The following EFHD2 variants were observed in gnomAD, a reference collection of about 807,000 sequenced individuals.
The protein encoded by EFHD2 is EF-hand domain family member D2.
EFHD2 carries 12 observed loss-of-function variants against 20.3 expected under a neutral mutation model. The ratio of observed to expected loss-of-function variants is 0.59; its 90% CI spans 0.38 to 0.96. The LOEUF (loss-of-function observed/expected upper bound fraction) is 0.96. EFHD2 is among the 40% of genes least tolerant of loss of function. EFHD2 has a pLI of 0.00. For missense variants in EFHD2, 250 were observed against 334.3 expected (o/e 0.75, Z 1.97); for synonymous variants, 131 against 143.9 (o/e 0.91, Z 0.64).
In EFHD2 at chr1:15,426,192, G is replaced by A. The variant is rs1057362247; in HGVS notation, c.456+174G>A. On this transcript the variant is annotated intron_variant, in intron 2 of 3. Transcript: ENST00000375980. The surrounding 1 kb of genome is among the most constrained non-coding windows in gnomAD (Gnocchi z 4.6). The stretch of plus-strand genomic sequence containing the variant: ...AGGCTTCAGAGGGCCTGTTACAGCA[G>A]GCACCAGGGAGGGTTCTGAGATCCT... Among the ~76,000 whole-genome samples, 12 of 152,180 alleles carry A rather than the reference G, an allele frequency of 7.9e-5. No individual in the cohort carries two copies. Among genetic ancestry groups the A allele is most frequent in the Non-Finnish European group, 1.5e-4 (10 of 68,036 alleles).
rs1707872005 is a variant in EFHD2, at chr1:15,426,331, C to T, written c.456+313C>T. 6.6e-6 allele frequency among the ~76,000 whole-genome samples: 1 copy of T among 152,098 alleles called. No individual in the cohort carries two copies. The highest frequency in any genetic ancestry group is 6.5e-5 in the Admixed American group (1 of 15,272). The stretch of plus-strand genomic sequence containing the variant: ...CTCTGGGGTAGAGAAAGGCCCTGTG[C>T]TCGAAGGTTCCTGGAAGTGTAGAGG... On this transcript the variant is annotated intron_variant, in intron 2 of 3. Transcript: ENST00000375980. The surrounding 1 kb of genome is among the most constrained non-coding windows in gnomAD (Gnocchi z 4.6).
At chr1:15,425,536 A>C (rs1016232035) in intron 1 of EFHD2, among the ~76,000 whole-genome samples, 3 of 151,416 alleles carry the variant, frequency 2.0e-5, no homozygotes, top group African/African-American at 7.3e-5. Context: ...AAAAAAAAAA[A>C]CCCAGAGAAT....
chr1:15,418,971 C>T (rs1707740437), intron 1 of EFHD2, among the ~76,000 whole-genome samples: 1 of 152,282 alleles, frequency 6.6e-6, no homozygotes, highest in Non-Finnish European at 1.5e-5. Flanking sequence ...TGATGCAAAA[C>T]ACCTGGCATC....
chr1:15,414,857 C>G (rs915896149), intron 1 of EFHD2, among the ~76,000 whole-genome samples: 1 of 152,038 alleles, frequency 6.6e-6, no homozygotes, highest in Non-Finnish European at 1.5e-5. Context: ...GCAGGTGGCA[C>G]AAAAAAGGGG....
At chr1:15,417,546 GCTCT>G (rs962954370) in intron 1 of EFHD2, among the ~76,000 whole-genome samples, 2 of 152,072 alleles carry the variant, frequency 1.3e-5, no homozygotes, top group African/African-American at 4.8e-5. Flanking sequence ...ACACTTATGT[GCTCT>G]CTATCTCTCC....
intron 1 of EFHD2, among the ~76,000 whole-genome samples, chr1:15,411,102 C>T (rs1707493597): frequency 6.6e-6 from 1 of 151,748 alleles, no homozygotes; most frequent in South Asian, 2.1e-4. Flanking sequence ...GGCCTCCCTC[C>T]CGCTCCTGCC....
intron 1 of EFHD2, among the ~76,000 whole-genome samples, chr1:15,421,472 G>A (rs1052124204): frequency 3.9e-5 from 6 of 152,166 alleles, no homozygotes; most frequent in Non-Finnish European, 8.8e-5. Context: ...GCCAGCCCCT[G>A]TATTGTCCCC....
intron 2 of EFHD2, 101 bp from the exon 3 acceptor site, chr1:15,427,049 C>A: frequency 6.7e-7 from 1 of 1,488,280 alleles, no homozygotes; most frequent in Non-Finnish European, 9.0e-7. Flanking sequence ...CAGTCCTTCT[C>A]TGCAGGGGAG....
At chr1:15,422,085 ATTTTTTTTT>A (rs71000400) in intron 1 of EFHD2, among the ~76,000 whole-genome samples, 1 of 86,634 alleles carries the variant, frequency 1.2e-5, no homozygotes, top group African/African-American at 4.6e-5. Flanking sequence ...AGGTCATTCC[ATTTTTTTTT>A]TTTTTTTTTT....
chr1:15,411,906 C>T (rs542364550), intron 1 of EFHD2, among the ~76,000 whole-genome samples: 1 of 152,282 alleles, frequency 6.6e-6, no homozygotes, highest in South Asian at 2.1e-4. Flanking sequence ...CCCTACTCAC[C>T]ACAGCTTGCA....
chr1:15,410,300 G>GGCCCC, intron 1 of EFHD2, 21 bp downstream of exon 1: 1 of 1,565,650 alleles, frequency 6.4e-7, no homozygotes, highest in Middle Eastern at 2.0e-4. Context: ...GCGCGACCCG[G>GGCCCC]CCCCCCGCCC....
chr1:15,419,531 G>GA (rs1164879473), intron 1 of EFHD2, among the ~76,000 whole-genome samples: 1 of 82,748 alleles, frequency 1.2e-5, no homozygotes, highest in Non-Finnish European at 2.1e-5. Context: ...GAAAAAGAGA[G>GA]GGGCCAGGGA....
At chr1:15,417,901 A>G (rs1194649122) in intron 1 of EFHD2, among the ~76,000 whole-genome samples, 1 of 151,694 alleles carries the variant, frequency 6.6e-6, no homozygotes, top group Non-Finnish European at 1.5e-5. Flanking sequence ...AGTTTTTGCA[A>G]TGACTCTGCT....
chr1:15,427,030 A>T, intron 2 of EFHD2, 120 bp from the exon 3 acceptor site: 1 of 1,352,918 alleles, frequency 7.4e-7, no homozygotes, highest in Non-Finnish European at 1.0e-6. Flanking sequence ...GACCCAGCTC[A>T]CTGCCCCCCA....
At chr1:15,421,872 AGTGCTGGT>A (rs1290016208) in intron 1 of EFHD2, among the ~76,000 whole-genome samples, 1 of 152,138 alleles carries the variant, frequency 6.6e-6, no homozygotes, top group African/African-American at 2.4e-5. Flanking sequence ...GTAAAGAGAA[AGTGCTGGT>A]GCGTTGGGAG....
chr1:15,410,370 G>A, intron 1 of EFHD2, 91 bp downstream of exon 1: 1 of 1,414,834 alleles, frequency 7.1e-7, no homozygotes, highest in East Asian at 3.1e-5. Flanking sequence ...CTCCGCCCCG[G>A]GAGCCTGCCG....
intron 1 of EFHD2, among the ~76,000 whole-genome samples, chr1:15,412,787 C>T (rs1196762658): frequency 1.3e-5 from 2 of 152,196 alleles, no homozygotes; most frequent in Non-Finnish European, 1.5e-5. Context: ...GCTTCATTTG[C>T]GCAGCAAACT....
At position 15,409,940 on chromosome 1, in the gene EFHD2, G is replaced by C. The variant is rs1280114114; in HGVS notation, c.-32G>C. The C allele has an allele frequency of 1.6e-6, 2 of 1,221,232 alleles. No individual in the cohort carries two copies. The highest frequency in any genetic ancestry group is 2.0e-6 in the Non-Finnish European group (2 of 983,992). 75.6% of individuals were successfully genotyped at this position (1,221,232 alleles called of 1,614,324 possible). A position where few individuals can be genotyped will look rare whatever the true frequency, so the allele number is the denominator to read the frequency against. On this transcript the variant is annotated 5_prime_UTR_variant, in exon 1 of 4. Transcript: ENST00000375980. ...CGGCGGCGCTGCGCTGAGAGCAGGGGCCCGGCCAAGGCGAGTGCCGCGCGG... is the reference window on the plus strand; with the variant it reads ...CGGCGGCGCTGCGCTGAGAGCAGGGCCCCGGCCAAGGCGAGTGCCGCGCGG...
At chr1:15,416,072 G>T (rs75645745) in intron 1 of EFHD2, among the ~76,000 whole-genome samples, 7,371 of 152,138 alleles carry the variant, frequency 0.048, 306 homozygotes, top group East Asian at 0.17. Flanking sequence ...CCTGGCCTCG[G>T]TCCTTACTCC....
Sources: gnomAD v4.1 joint callset for allele counts (sites outside exome capture counted in the v4.1 genomes callset) on GRCh38, gnomAD v4.1.1 for gene constraint, Gnocchi (gnomAD v3.1) non-coding constraint, MANE v1.5 for transcripts, NCBI Gene and HGNC (gene_info 2026-07-23, HGNC 2026-07-21) for gene names.